Variants in NIPSNAP2 observed in about 807,000 individuals in gnomAD.
NIPSNAP2 encodes the protein protein NipSnap homolog 2.
A neutral mutation model predicts 48.4 loss-of-function variants in NIPSNAP2; 42 were observed. The ratio of observed to expected loss-of-function variants is 0.87; its 90% confidence interval spans 0.68 to 1.12. The LOEUF (loss-of-function observed/expected upper bound fraction) is 1.12. Among genes scored for constraint, NIPSNAP2 ranks in the 50% most tolerant of loss-of-function variants. NIPSNAP2 has a pLI of 0.00. For synonymous variants in NIPSNAP2, 158 were observed against 126.6 expected (o/e 1.25, Z -1.67); for missense variants, 314 against 347.3 (o/e 0.90, Z 0.76).
chr7:55,992,848 T>A (rs1787479488), intron 7 of NIPSNAP2, among the ~76,000 whole-genome samples: 1 of 152,184 alleles, frequency 6.6e-6, no homozygotes, highest in African/African-American at 2.4e-5. Context: ...CTTAACCATG[T>A]GTCTTCTGGT....
At chr7:55,975,631 C>T (rs910354633) in intron 1 of NIPSNAP2, among the ~76,000 whole-genome samples, 3 of 152,096 alleles carry the variant, frequency 2.0e-5, no homozygotes, top group African/African-American at 2.4e-5. Flanking sequence ...TTACTTTAGG[C>T]ATTTGTCAAA....
In NIPSNAP2 at chr7:55,983,998, T is replaced by TATATATG; in HGVS notation, c.585+130_585+131insATATATG. 19 of 672,026 alleles carry TATATATG rather than the reference T, an allele frequency of 2.8e-5. 2 individuals carry two copies. The highest frequency in any genetic ancestry group is 9.2e-5 in the East Asian group (3 of 32,596). 41.6% of individuals were successfully genotyped at this position (672,026 alleles called of 1,614,324 possible). A position where few individuals can be genotyped will look rare whatever the true frequency, so the allele number is the denominator to read the frequency against. On this transcript the variant is annotated intron_variant, in intron 6 of 9. Coordinates refer to ENST00000322090, the MANE Select transcript of NIPSNAP2 (RefSeq NM_001483.3). ...CTAGCATTATATGTATATATATGTA[T>TATATATG]TTTTTTAAGACTGGGTCTCACACTG...
intron 1 of NIPSNAP2, among the ~76,000 whole-genome samples, chr7:55,971,960 CAAAA>C (rs200195199): frequency 6.6e-6 from 1 of 151,526 alleles, no homozygotes; most frequent in Admixed American, 6.6e-5. Flanking sequence ...ATTTATTTAA[CAAAA>C]AAAATTGTAG....
chr7:55,982,299 G>A lies in NIPSNAP2; in HGVS notation c.444+19G>A. ...AAATAAGGTAATGATATTGAAAAAT[G>A]TTTACTTAGACTAATGATATATAGA... On this transcript the variant is annotated intron_variant, in intron 5 of 9. Transcript: ENST00000322090. 2 of 1,422,094 alleles carry A rather than the reference G, an allele frequency of 1.4e-6. No homozygotes were observed. The highest frequency in any genetic ancestry group is 2.0e-6 in the Non-Finnish European group (2 of 1,009,988). The allele number at this position is 1,422,094 out of a possible 1,614,324, so 88.1% of individuals were successfully genotyped here.
At chr7:55,967,254 TGTG>T (rs1377025235) in intron 1 of NIPSNAP2, among the ~76,000 whole-genome samples, 3 of 152,266 alleles carry the variant, frequency 2.0e-5, no homozygotes, top group Non-Finnish European at 4.4e-5. Flanking sequence ...ACATTTTCCA[TGTG>T]GTGGCCCAGG....
intron 1 of NIPSNAP2, among the ~76,000 whole-genome samples, chr7:55,977,255 G>C (rs551389044): frequency 6.6e-6 from 1 of 152,204 alleles, no homozygotes; most frequent in African/African-American, 2.4e-5. Context: ...GCTGGGTGTG[G>C]TGGTGTGTGT....
At chr7:55,984,043 T>G (rs1787277299) in intron 6 of NIPSNAP2, among the ~76,000 whole-genome samples, 175 bp downstream of exon 6, 1 of 152,138 alleles carries the variant, frequency 6.6e-6, no homozygotes, top group South Asian at 2.1e-4. Context: ...CTAAGCTCTT[T>G]TGCTTTTTAT....
At chr7:55,977,142 G>A (rs368899815) in intron 1 of NIPSNAP2, among the ~76,000 whole-genome samples, 1 of 151,800 alleles carries the variant, frequency 6.6e-6, no homozygotes, top group Admixed American at 6.6e-5. Context: ...TGTAATCCTA[G>A]CACTTTGGGA....
Position 55,998,968 on chromosome 7 carries a change from T to C in NIPSNAP2, c.797-40T>C, listed in dbSNP as rs199889547. ...TTAGTGTCATTTACCATAATGTGTT[T>C]AGAAAGTAACAAGTGCAGTAACCCT... is the stretch of plus-strand genomic sequence containing the variant. On this transcript the variant is annotated intron_variant, in intron 9 of 9. Transcript: ENST00000322090. The C allele has an allele frequency of 4.6e-6, 7 of 1,532,506 alleles. No homozygotes were observed. In the East Asian group the frequency reaches 6.7e-5, roughly 15 times the overall value. 94.9% of individuals were successfully genotyped at this position (1,532,506 alleles called of 1,614,324 possible). A position where few individuals can be genotyped will look rare whatever the true frequency, so the allele number is the denominator to read the frequency against.
At chr7:55,987,533 C>A (rs538497452) in intron 7 of NIPSNAP2, among the ~76,000 whole-genome samples, 1 of 152,262 alleles carries the variant, frequency 6.6e-6, no homozygotes, top group African/African-American at 2.4e-5. Flanking sequence ...CAGGCTGAGG[C>A]AGGAGAATCA....
At chr7:55,975,764 G>A (rs778208742) in intron 1 of NIPSNAP2, among the ~76,000 whole-genome samples, 42 of 152,280 alleles carry the variant, frequency 2.8e-4, no homozygotes, top group Non-Finnish European at 4.1e-4. Flanking sequence ...AGGGCTGAGC[G>A]CAGTGGCTCA....
chr7:55,984,792 C>A, intron 6 of NIPSNAP2, 55 bp from the exon 7 acceptor site: 1 of 1,372,372 alleles, frequency 7.3e-7, no homozygotes, highest in Non-Finnish European at 1.0e-6. Flanking sequence ...TTTGCTATTT[C>A]TGTATTTTTT....
chr7:55,993,376 G>GAGGTCAGGAGTTCA (rs1181179974), intron 7 of NIPSNAP2, among the ~76,000 whole-genome samples: 1 of 150,168 alleles, frequency 6.7e-6, no homozygotes, highest in Admixed American at 6.6e-5. Context: ...GGGGCAGATC[G>GAGGTCAGGAGTTCA]AGACCAGCCT....
chr7:55,972,823 C>G (rs1218271550), intron 1 of NIPSNAP2, among the ~76,000 whole-genome samples: 5 of 152,028 alleles, frequency 3.3e-5, no homozygotes, highest in African/African-American at 1.2e-4. Flanking sequence ...TGGAATATGG[C>G]TGGGTGTGGT....
rs188083564 is a variant in NIPSNAP2, at chr7:55,977,394, A to T, written c.93-732A>T. On this transcript the variant is annotated intron_variant, in intron 1 of 9. Transcript: ENST00000322090. ...CGATAGAGCGAGACTCCATCTAAAA[A>T]AAAATTTTTTTTTGATTTTTAAGTT... Among the ~76,000 whole-genome samples the T allele has an allele frequency of 5.9e-5, 9 of 152,338 alleles. No individual in the cohort carries two copies. The East Asian group carries it at 1.7e-3, about 29-fold the overall frequency.
At chr7:55,979,481 G>A (rs556925025) in intron 3 of NIPSNAP2, 1 of 249,220 alleles carries the variant, frequency 4.0e-6, no homozygotes, top group African/African-American at 2.2e-5. Flanking sequence ...GTTTTACTCA[G>A]CCCGTTCCTT....
At chr7:55,975,550 G>T (rs546400806) in intron 1 of NIPSNAP2, among the ~76,000 whole-genome samples, 1 of 152,286 alleles carries the variant, frequency 6.6e-6, no homozygotes, top group East Asian at 1.9e-4. Context: ...GGTTGCTAGA[G>T]ATGGGGAGAG....
At chr7:55,972,574 A>G (rs1259993241) in intron 1 of NIPSNAP2, among the ~76,000 whole-genome samples, 1 of 151,440 alleles carries the variant, frequency 6.6e-6, no homozygotes, top group Non-Finnish European at 1.5e-5. Context: ...CTGGGATTAC[A>G]GGCATGCGCC....
chr7:55,982,936 A>G (rs1787247751), intron 5 of NIPSNAP2, among the ~76,000 whole-genome samples: 1 of 152,020 alleles, frequency 6.6e-6, no homozygotes. Context: ...CAGCGTGGCC[A>G]ACATGGCAAA....
Sources: allele counts gnomAD v4.1 joint callset (sites outside exome capture counted in the v4.1 genomes callset), GRCh38; gene constraint gnomAD v4.1.1; transcripts MANE v1.5; gene names NCBI Gene and HGNC (gene_info 2026-07-23, HGNC 2026-07-21).